Variants in SKAP1 observed in about 807,000 individuals in gnomAD.
SKAP1 encodes src kinase associated phosphoprotein 1, also known as src kinase-associated phosphoprotein 1.
A neutral mutation model predicts 58.5 loss-of-function variants in SKAP1; 44 were observed. The ratio of observed to expected loss-of-function variants is 0.75; its 90% CI spans 0.59 to 0.97. The LOEUF is 0.97. Ranked by LOEUF, SKAP1 falls within the 50% of genes least tolerant of loss-of-function variation. The probability of loss-of-function intolerance (pLI) is 0.00; values close to 1 mark genes in which losing one functional copy is unlikely to be tolerated. For synonymous variants in SKAP1, 127 were observed against 149.7 expected (o/e 0.85, Z 1.11); for missense variants, 390 against 435.2 (o/e 0.90, Z 0.92).
intron 4 of SKAP1, among the ~76,000 whole-genome samples, chr17:48,200,673 C>T (rs1374942562): frequency 2.0e-5 from 3 of 152,162 alleles, no homozygotes; most frequent in Admixed American, 6.5e-5. Context: ...CCACCGCGCC[C>T]GGCCCTGGGC....
At chr17:48,294,897 G>A (rs1164214103) in intron 4 of SKAP1, among the ~76,000 whole-genome samples, 5 of 152,148 alleles carry the variant, frequency 3.3e-5, no homozygotes, top group Non-Finnish European at 7.4e-5. Context: ...GTTCTTTCCA[G>A]GAATGTCCCC....
intron 4 of SKAP1, among the ~76,000 whole-genome samples, chr17:48,233,534 T>TAGTCCCAGCTACTCGG: frequency 6.6e-6 from 1 of 151,882 alleles, no homozygotes; most frequent in African/African-American, 2.4e-5. Flanking sequence ...AAAATTTTAC[T>TAGTCCCAGCTACTCGG]GTACTAATTG....
At chr17:48,260,699 T>A (rs2065475376) in intron 4 of SKAP1, among the ~76,000 whole-genome samples, 1 of 152,066 alleles carries the variant, frequency 6.6e-6, no homozygotes, top group South Asian at 2.1e-4. Context: ...AAAAAGGAAG[T>A]TAATGACATT....
intron 4 of SKAP1, among the ~76,000 whole-genome samples, chr17:48,341,871 C>G (rs893389381): frequency 6.6e-6 from 1 of 152,124 alleles, no homozygotes; most frequent in Non-Finnish European, 1.5e-5. Context: ...AGAACGTAAA[C>G]ATATATAACA....
chr17:48,278,989 G>A (rs945432576), intron 4 of SKAP1, among the ~76,000 whole-genome samples: 1 of 152,094 alleles, frequency 6.6e-6, no homozygotes, highest in African/African-American at 2.4e-5. Context: ...TAACTCCCAG[G>A]CCATACAGCA....
rs529351776 is a variant in SKAP1 at position 48,325,690 on chromosome 17, T to G, written c.280+20215A>C. 2.0e-5 allele frequency among the ~76,000 whole-genome samples: 3 copies of G among 152,374 alleles called. No individual in the cohort carries two copies. The South Asian group carries it at 6.2e-4, about 32-fold the overall frequency. ...AGTATCTAATGTCAGACAGTTAGTT[T>G]ATACTTATTTTCTTTTGGATTTCAA... On this transcript the variant is annotated intron_variant, in intron 4 of 12. Transcript: ENST00000336915.
At chr17:48,236,350 T>C (rs1273454870) in intron 4 of SKAP1, among the ~76,000 whole-genome samples, 1 of 152,174 alleles carries the variant, frequency 6.6e-6, no homozygotes, top group Admixed American at 6.5e-5. Context: ...CGAGATTCTT[T>C]GGGAGCACAG....
chr17:48,174,515 CCAGAGT>C (rs2064263386), intron 9 of SKAP1, among the ~76,000 whole-genome samples: 1 of 152,110 alleles, frequency 6.6e-6, no homozygotes, highest in Admixed American at 6.5e-5. Context: ...CTTTGCAACC[CCAGAGT>C]CAAAGACAAC....
intron 4 of SKAP1, among the ~76,000 whole-genome samples, chr17:48,320,969 C>A (rs1008981791): frequency 6.6e-6 from 1 of 152,098 alleles, no homozygotes; most frequent in Non-Finnish European, 1.5e-5. Flanking sequence ...CTAGGCCAGC[C>A]AAGCCAATGA....
chr17:48,178,893 C>T (rs1451883035), intron 9 of SKAP1, among the ~76,000 whole-genome samples: 1 of 152,162 alleles, frequency 6.6e-6, no homozygotes, highest in Non-Finnish European at 1.5e-5. Context: ...GGAGAAGAAG[C>T]AGGCTCTCCT....
intron 4 of SKAP1, among the ~76,000 whole-genome samples, chr17:48,258,101 G>C: frequency 6.6e-6 from 1 of 152,144 alleles, no homozygotes; most frequent in Middle Eastern, 3.4e-3. Flanking sequence ...GTCAGGATTC[G>C]AGGCCAGTTA....
intron 4 of SKAP1, among the ~76,000 whole-genome samples, chr17:48,291,674 A>C (rs2065898227): frequency 6.6e-6 from 1 of 152,184 alleles, no homozygotes. Flanking sequence ...TAGCTCCCTA[A>C]ATCATATTAA....
chr17:48,319,495 A>C (rs2066332372), intron 4 of SKAP1, among the ~76,000 whole-genome samples: 1 of 152,236 alleles, frequency 6.6e-6, no homozygotes, highest in Non-Finnish European at 1.5e-5. Context: ...CATAAGAAAC[A>C]GCAGTAGATC....
chr17:48,303,569 A>T (rs2066091573), intron 4 of SKAP1, among the ~76,000 whole-genome samples: 1 of 152,226 alleles, frequency 6.6e-6, no homozygotes, highest in African/African-American at 2.4e-5. Context: ...CACATAAAGG[A>T]GGCAGACTTT....
chr17:48,274,617 A>G (rs926326199), intron 4 of SKAP1, among the ~76,000 whole-genome samples: 4 of 150,810 alleles, frequency 2.7e-5, no homozygotes, highest in Admixed American at 2.0e-4. Context: ...AATCGCTTGA[A>G]CCCTGGAGGT....
chr17:48,354,940 T>G (rs924377356), intron 3 of SKAP1, among the ~76,000 whole-genome samples: 3 of 152,228 alleles, frequency 2.0e-5, no homozygotes, highest in African/African-American at 7.2e-5. Flanking sequence ...TGAAAGTTTG[T>G]TAGAGGCACA....
At chr17:48,134,581 G>A (rs2063675739) in intron 12 of SKAP1, among the ~76,000 whole-genome samples, 1 of 152,020 alleles carries the variant, frequency 6.6e-6, no homozygotes, top group Non-Finnish European at 1.5e-5. Flanking sequence ...CTCCCAAAGT[G>A]CTGGGATTAC....
At chr17:48,220,665 T>G (rs1306768621) in intron 4 of SKAP1, among the ~76,000 whole-genome samples, 1 of 151,044 alleles carries the variant, frequency 6.6e-6, no homozygotes, top group Non-Finnish European at 1.5e-5. Flanking sequence ...GAGACCAGCA[T>G]GGCCAACATG....
intron 2 of SKAP1, among the ~76,000 whole-genome samples, chr17:48,392,862 A>AATATAT (rs60586781): frequency 6.8e-6 from 1 of 147,192 alleles, no homozygotes; most frequent in Admixed American, 6.8e-5. Context: ...TCTCAAAAAA[A>AATATAT]ATATATATAT....
Sources: allele counts gnomAD v4.1 joint callset (sites outside exome capture counted in the v4.1 genomes callset), GRCh38; gene constraint gnomAD v4.1.1; transcripts MANE v1.5; gene names NCBI Gene and HGNC (gene_info 2026-07-23, HGNC 2026-07-21).